Variants in NOTCH2 observed in about 807,000 individuals in gnomAD.
The protein encoded by NOTCH2 is neurogenic locus notch homolog protein 2.
Under a neutral mutation model 235.8 loss-of-function variants are expected in NOTCH2, and 29 were observed. The ratio of observed to expected loss-of-function variants is 0.12; its 90% CI spans 0.09 to 0.17. The LOEUF is 0.17. Ranked by LOEUF, NOTCH2 falls within the 10% of genes least tolerant of loss-of-function variation. NOTCH2 has a pLI of 1.00. For synonymous variants in NOTCH2, 1,086 were observed against 1,141.5 expected, an observed-to-expected ratio of 0.95 and a Z score of 0.98; for missense variants, 2,285 against 3,150.2, an observed-to-expected ratio of 0.73 and a Z score of 6.57.
chr1:120,058,296 G>C (rs1359356708), intron 1 of NOTCH2, among the ~76,000 whole-genome samples: 1 of 151,750 alleles, frequency 6.6e-6, no homozygotes, highest in Non-Finnish European at 1.5e-5. Flanking sequence ...CTGAGGTCAG[G>C]AGTACGAGAC....
At chr1:120,042,881 G>A (rs200729408) in intron 1 of NOTCH2, among the ~76,000 whole-genome samples, 18 of 150,714 alleles carry the variant, frequency 1.2e-4, no homozygotes, top group African/African-American at 3.0e-4. Context: ...GTGAGTTTTT[G>A]TGTGTGCCCA....
In NOTCH2 at chr1:119,923,645, C is replaced by A. The variant is rs771883723; in HGVS notation, c.4851G>T (p.Glu1617Asp). Residue 1617 changes from glutamate to aspartate, a missense_variant, in exon 26 of 34, where the codon GAG becomes GAT. Transcript: ENST00000256646. ...RRSLPGEQEQEVAGSKVFLEI... is the reference protein window; with the variant it reads ...RRSLPGEQEQDVAGSKVFLEI... ...AGAAACCAAACACCTACCCAGCCAC[C>A]TCCTGTTCTTGTTCACCAGGAAGGG... 2 of 1,613,710 alleles carry A rather than the reference C, an allele frequency of 1.2e-6. No individual in the cohort carries two copies. The highest frequency in any genetic ancestry group is 2.7e-5 in the African/African-American group (2 of 74,914).
intron 22 of NOTCH2, 79 bp from the exon 23 acceptor site, chr1:119,929,291 G>A: frequency 8.4e-7 from 1 of 1,186,286 alleles, no homozygotes; most frequent in Non-Finnish European, 1.3e-6. Context: ...ACCCTTGTTG[G>A]CATTTTCACA....
At chr1:119,980,829 G>C (rs587597670) in intron 5 of NOTCH2, among the ~76,000 whole-genome samples, 1 of 152,302 alleles carries the variant, frequency 6.6e-6, no homozygotes, top group African/African-American at 2.4e-5. Context: ...AAGGCATGTG[G>C]AGTTGAGTTC....
In NOTCH2 at chr1:119,915,432, G is replaced by A. The variant is rs1230006695; in HGVS notation, c.7290C>T (p.Pro2430=). 6.2e-7 allele frequency: 1 copy of A among 1,614,066 alleles called. No homozygotes were observed. The highest frequency in any genetic ancestry group is 1.7e-5 in the Admixed American group (1 of 60,008). ...ESPDQWSSSS[P]HSASDWSDVT... ...CATCTGACCAGTCAGAAGCAGAGTG[G>A]GGTGATGAACTTGACCACTGGTCAG... Residue 2430 remains proline (P), a synonymous_variant, in exon 34 of 34, where the codon CCC becomes CCT. Transcript: ENST00000256646.
chr1:120,040,768 T>G (rs1553212612), intron 1 of NOTCH2, among the ~76,000 whole-genome samples: 3 of 149,770 alleles, frequency 2.0e-5, no homozygotes, highest in African/African-American at 7.5e-5. Context: ...CCAGGCGCGG[T>G]GGCTCATGTC....
chr1:119,941,822 G>T, intron 17 of NOTCH2, 68 bp from the exon 18 acceptor site: 1 of 1,230,468 alleles, frequency 8.1e-7, no homozygotes, highest in Non-Finnish European at 1.2e-6. Flanking sequence ...TCATAAAAGT[G>T]AATGACCTGA....
chr1:119,916,623 A>G lies in NOTCH2; in HGVS notation c.6099T>C (p.Phe2033=). ...YEAAKILLDH[F]ANRDITDHMD... ...TATGGTCTGTGATGTCTCGATTGGC[A>G]AAATGGTCTAACAGGATCTTGGCTG... Residue 2033 remains phenylalanine, a synonymous_variant, in exon 34 of 34, where the codon TTT becomes TTC. Coordinates refer to ENST00000256646, the MANE Select transcript of NOTCH2 (RefSeq NM_024408.4). 2 of 1,614,172 alleles carry G rather than the reference A, an allele frequency of 1.2e-6. No individual in the cohort carries two copies. Among genetic ancestry groups the G allele is most frequent in the South Asian group, 2.2e-5 (2 of 91,086 alleles).
chr1:119,990,653 C>T lies in NOTCH2; in HGVS notation c.752-3571G>A, dbSNP rs2641307. Among the ~76,000 whole-genome samples, 36 of 142,202 alleles carry T rather than the reference C, an allele frequency of 2.5e-4. No homozygotes were observed. In the East Asian group the frequency reaches 3.4e-3, roughly 14 times the overall value. The allele number at this position is 142,202 out of a possible 152,430, so 93.3% of individuals were successfully genotyped here. On this transcript the variant is annotated intron_variant, in intron 4 of 33. Coordinates refer to ENST00000256646, the MANE Select transcript of NOTCH2 (RefSeq NM_024408.4). ...CATGGCTGACTTGACCAAGATTAAA[C>T]GGCTAGTAAGTAGGAATAAGTACTG...
chr1:120,004,025 G>A (rs1463143061), intron 3 of NOTCH2, among the ~76,000 whole-genome samples: 3 of 151,250 alleles, frequency 2.0e-5, no homozygotes, highest in Non-Finnish European at 3.0e-5. Flanking sequence ...TTCTGCGGAT[G>A]ATGAAAAAAT....
At chr1:119,974,376 C>T (rs1170770422) in intron 5 of NOTCH2, among the ~76,000 whole-genome samples, 2 of 152,170 alleles carry the variant, frequency 1.3e-5, no homozygotes, top group Non-Finnish European at 2.9e-5. Context: ...ACTAGTTAGG[C>T]TCTTATTTCC....
In NOTCH2 at chr1:119,925,310, T is replaced by C; in HGVS notation, c.4506A>G (p.Thr1502=). Residue 1502 remains threonine, a synonymous_variant, in exon 25 of 34, where the codon ACA becomes ACG. Transcript: ENST00000256646. ...GGAAAACGTGAAGCCCTTACTTGCATGTCTTGCTGTTCCCCTGGCATTCAA... is the reference window on the plus strand; with the variant it reads ...GGAAAACGTGAAGCCCTTACTTGCACGTCTTGCTGTTCCCCTGGCATTCAA... ...DNFECQGNSK[T]CKYDKYCADH... 2 of 1,613,766 alleles carry C rather than the reference T, an allele frequency of 1.2e-6. No individual in the cohort carries two copies. The highest frequency in any genetic ancestry group is 1.1e-5 in the South Asian group (1 of 91,052).
rs921183438 is a variant in NOTCH2 at position 119,923,154 on chromosome 1, T to G, written c.4860-376A>C. Among the ~76,000 whole-genome samples the G allele has an allele frequency of 5.3e-5, 8 of 152,208 alleles. 1 individual carries two copies. The highest frequency in any genetic ancestry group is 5.2e-4 in the Admixed American group (8 of 15,288). On this transcript the variant is annotated intron_variant, in intron 26 of 33. Transcript: ENST00000256646. ...TACTCTAAACATACATCCCTGTGTG[T>G]TTTTAGTCCTTATTTTCCTTTGTCT...
chr1:119,960,785 C>G (rs781938555), intron 11 of NOTCH2, among the ~76,000 whole-genome samples: 1 of 152,006 alleles, frequency 6.6e-6, no homozygotes, highest in Non-Finnish European at 1.5e-5. Flanking sequence ...GCTATCCCCC[C>G]ACCTCAGCCT....
Position 120,014,991 on chromosome 1 carries a change from CTTT to C in NOTCH2, c.156-9406_156-9404del, listed in dbSNP as rs60671945. On this transcript the variant is annotated intron_variant, in intron 2 of 33. Transcript: ENST00000256646. ...GGCTTTGCTGCAGCTCTGTCTTTAG[CTTT>C]TTTTTTTTTTTTTTTAAAAACGAGG... Among the ~76,000 whole-genome samples, 370 of 126,366 alleles carry C rather than the reference CTTT, an allele frequency of 2.9e-3. 1 individual carries two copies. The highest frequency in any genetic ancestry group is 8.3e-3 in the Middle Eastern group (2 of 242). The allele number at this position is 126,366 out of a possible 152,430, so 82.9% of individuals were successfully genotyped here.
chr1:119,941,944 A>G (rs1247441479), intron 17 of NOTCH2, among the ~76,000 whole-genome samples, 190 bp from the exon 18 acceptor site: 1 of 152,218 alleles, frequency 6.6e-6, no homozygotes, highest in African/African-American at 2.4e-5. Context: ...TAACCTGTTT[A>G]TTAATTGGAA....
chr1:119,981,785 AT>A (rs1651821126), intron 5 of NOTCH2, among the ~76,000 whole-genome samples: 1 of 152,198 alleles, frequency 6.6e-6, no homozygotes, highest in African/African-American at 2.4e-5. Context: ...AAACAGGCTT[AT>A]TATACTTCTC....
intron 1 of NOTCH2, among the ~76,000 whole-genome samples, chr1:120,064,379 T>TA (rs1244690540): frequency 6.6e-6 from 1 of 151,374 alleles, no homozygotes; most frequent in Non-Finnish European, 1.5e-5. Flanking sequence ...CTTAATTAAT[T>TA]AAAAGAGATA....
At chr1:119,924,658 T>G (rs1649403485) in intron 25 of NOTCH2, among the ~76,000 whole-genome samples, 1 of 152,186 alleles carries the variant, frequency 6.6e-6, no homozygotes, top group Non-Finnish European at 1.5e-5. Context: ...GGTACAACTT[T>G]TCATGCTAGC....
Sources: gnomAD v4.1 joint callset for allele counts (sites outside exome capture counted in the v4.1 genomes callset) on GRCh38, gnomAD v4.1.1 for gene constraint, MANE v1.5 for transcripts, NCBI Gene and HGNC (gene_info 2026-07-23, HGNC 2026-07-21) for gene names.